RAB7B: variants seen among roughly 807,000 people sequenced by gnomAD.
RAB7B encodes ras-related protein Rab-7b.
chr1:205,996,873 G>C (rs1660818949), intron 1 of RAB7B, among the ~76,000 whole-genome samples: 1 of 152,174 alleles, frequency 6.6e-6, no homozygotes, highest in Admixed American at 6.5e-5. Flanking sequence ...AAAACCATCA[G>C]ATCTTCTGAG....
At chr1:205,989,793 C>T (rs1235407033) in intron 4 of RAB7B, among the ~76,000 whole-genome samples, 1 of 152,156 alleles carries the variant, frequency 6.6e-6, no homozygotes. Flanking sequence ...TTCCTTGCTC[C>T]TGGCTGGTAC....
At chr1:205,987,126 A>G (rs1660621883) in intron 4 of RAB7B, among the ~76,000 whole-genome samples, 1 of 151,860 alleles carries the variant, frequency 6.6e-6, no homozygotes, top group Admixed American at 6.6e-5. Flanking sequence ...TTCTTTTTAT[A>G]TCTCCCCCTC....
chr1:205,982,913 A>G (rs1302319245), intron 5 of RAB7B, among the ~76,000 whole-genome samples: 1 of 152,238 alleles, frequency 6.6e-6, no homozygotes, highest in Non-Finnish European at 1.5e-5. Context: ...TGTGAATTTT[A>G]CATTCTATGC....
intron 4 of RAB7B, among the ~76,000 whole-genome samples, chr1:205,991,284 G>A (rs934162319): frequency 8.5e-5 from 13 of 152,182 alleles, no homozygotes; most frequent in Admixed American, 1.3e-4. Flanking sequence ...GGTCCCAGTG[G>A]GGGAAAAAAT....
intron 5 of RAB7B, among the ~76,000 whole-genome samples, chr1:205,979,370 C>T (rs901407450): frequency 1.8e-4 from 27 of 152,272 alleles, no homozygotes; most frequent in Middle Eastern, 3.4e-3. Flanking sequence ...AAAGCCCAGT[C>T]GGTCCTCTGT....
At chr1:205,984,220 A>C in intron 5 of RAB7B, 1 of 152,372 alleles carries the variant, frequency 6.6e-6, no homozygotes, top group South Asian at 2.1e-4. Flanking sequence ...GGAGAAGCAG[A>C]ACAAGAGCCA....
chr1:205,979,452 C>T (rs1660446771), intron 5 of RAB7B, among the ~76,000 whole-genome samples: 1 of 152,148 alleles, frequency 6.6e-6, no homozygotes, highest in African/African-American at 2.4e-5. Flanking sequence ...CTTCTCCAGT[C>T]TCTCTTGTCC....
chr1:205,998,381 A>G (rs949529964), intron 1 of RAB7B, among the ~76,000 whole-genome samples: 1 of 152,172 alleles, frequency 6.6e-6, no homozygotes, highest in Admixed American at 6.5e-5. Flanking sequence ...CAAACAAAAA[A>G]TGCTGAGAAG....
chr1:206,001,244 A>G (rs1660885849), intron 1 of RAB7B, among the ~76,000 whole-genome samples: 2 of 149,658 alleles, frequency 1.3e-5, no homozygotes. Context: ...GTCCCTTTCC[A>G]TGTCATCTCT....
At chr1:205,991,116 C>T (rs1660715622) in intron 4 of RAB7B, among the ~76,000 whole-genome samples, 1 of 152,176 alleles carries the variant, frequency 6.6e-6, no homozygotes. Context: ...TTGCTCTGCT[C>T]TCCTGACCTC....
At chr1:205,989,969 C>T (rs1457405580) in intron 4 of RAB7B, among the ~76,000 whole-genome samples, 4 of 152,302 alleles carry the variant, frequency 2.6e-5, no homozygotes, top group African/African-American at 7.2e-5. Flanking sequence ...GGTTTCCTCC[C>T]TCTCAACAGA....
At chr1:205,992,938 G>A (rs950731722) in intron 3 of RAB7B, among the ~76,000 whole-genome samples, 6,508 of 152,186 alleles carry the variant, frequency 0.043, 434 homozygotes, top group African/African-American at 0.15. Context: ...TTTCCTCTGG[G>A]TCATCAAGGT....
intron 3 of RAB7B, 128 bp from the exon 4 acceptor site, chr1:205,992,823 G>A: frequency 2.5e-6 from 1 of 397,294 alleles, no homozygotes; most frequent in Non-Finnish European, 4.4e-6. Context: ...GGTGCATATG[G>A]TTCTTTCACA....
At chr1:205,994,515 A>G (rs944864192) in intron 1 of RAB7B, 8,116 of 159,384 alleles carry the variant, frequency 0.051, 208 homozygotes, top group Admixed American at 0.062. Context: ...GCATGCAGGA[A>G]GAAGAGATGG....
At chr1:206,003,001 G>A (rs1660913382) in intron 1 of RAB7B, among the ~76,000 whole-genome samples, 1 of 152,198 alleles carries the variant, frequency 6.6e-6, no homozygotes, top group Non-Finnish European at 1.5e-5. Context: ...CTGCGTCCTG[G>A]GACTGATGGC....
intron 1 of RAB7B, among the ~76,000 whole-genome samples, chr1:206,001,937 C>T (rs999499255): frequency 4.6e-5 from 7 of 152,158 alleles, no homozygotes; most frequent in South Asian, 2.1e-4. Context: ...AATCTTCTGT[C>T]GCATCTGCAT....
intron 1 of RAB7B, among the ~76,000 whole-genome samples, chr1:205,996,916 A>G (rs878940765): frequency 0.18 from 26,884 of 152,164 alleles, 5,214 homozygotes; most frequent in African/African-American, 0.49. Flanking sequence ...CAGCATGGGG[A>G]AACCACTCCC....
chr1:205,980,079 C>T (rs1385293345), intron 5 of RAB7B, among the ~76,000 whole-genome samples: 1 of 152,220 alleles, frequency 6.6e-6, no homozygotes, highest in Non-Finnish European at 1.5e-5. Flanking sequence ...CACCCCATCA[C>T]TCACTGCCAC....
At chr1:206,000,026 G>C (rs1660867721) in intron 1 of RAB7B, among the ~76,000 whole-genome samples, 1 of 152,140 alleles carries the variant, frequency 6.6e-6, no homozygotes, top group Non-Finnish European at 1.5e-5. Context: ...CTCCCACCTA[G>C]GCCTCTCAAA....
Sources: allele counts gnomAD v4.1 joint callset (sites outside exome capture counted in the v4.1 genomes callset), GRCh38; gene constraint gnomAD v4.1.1; transcripts MANE v1.5; gene names NCBI Gene and HGNC (gene_info 2026-07-23, HGNC 2026-07-21).